EQTN: variants seen among roughly 807,000 people sequenced by gnomAD.
EQTN encodes the protein equatorin.
Under a neutral mutation model 26.9 loss-of-function variants are expected in EQTN, and 29 were observed. That is an observed-to-expected ratio of 1.08 (90% CI 0.80 to 1.47). The LOEUF is 1.47. EQTN is among the 40% of genes most tolerant of loss of function. The pLI, the probability that EQTN is intolerant of heterozygous loss-of-function variation, is 0.00. For synonymous variants in EQTN, 129 were observed against 120.0 expected (o/e 1.07, Z -0.49); for missense variants, 391 against 346.1 (o/e 1.13, Z -1.03).
chr9:27,295,734 A>C (rs974711282), intron 2 of EQTN, among the ~76,000 whole-genome samples: 2 of 143,076 alleles, frequency 1.4e-5, no homozygotes, highest in Admixed American at 7.4e-5. Flanking sequence ...CAGGAGGCTG[A>C]GGCAGGAGAA....
chr9:27,293,451 C>A (rs1293397129), intron 3 of EQTN, among the ~76,000 whole-genome samples: 7 of 152,174 alleles, frequency 4.6e-5, no homozygotes, highest in Non-Finnish European at 1.0e-4. Context: ...GGGCTTGCTC[C>A]TCTAGAACGT....
intron 6 of EQTN, 26 bp from the exon 7 acceptor site, chr9:27,286,388 A>C: frequency 6.4e-7 from 1 of 1,563,754 alleles, no homozygotes; most frequent in African/African-American, 1.4e-5. Context: ...ATGCAGTGGA[A>C]AATAGGGTGT....
In EQTN at chr9:27,286,494, C is replaced by T. The variant is rs112098978; in HGVS notation, c.482-132G>A. ...GTATTAACTGGCCGGTCTCCCATCC[C>T]GCAGGCAATGCAAAGGAGAAAGCTA... On this transcript the variant is annotated intron_variant, in intron 6 of 7. Coordinates refer to ENST00000380032, the MANE Select transcript of EQTN (RefSeq NM_020641.3). 669 of 836,424 alleles carry T rather than the reference C, an allele frequency of 8.0e-4. 5 individuals are homozygous for T. The African/African-American group carries it at 0.01, about 13-fold the overall frequency. The allele number at this position is 836,424 out of a possible 1,614,324, so 51.8% of individuals were successfully genotyped here.
chr9:27,293,545 C>A (rs1011927321), intron 3 of EQTN, among the ~76,000 whole-genome samples: 1 of 152,118 alleles, frequency 6.6e-6, no homozygotes, highest in African/African-American at 2.4e-5. Flanking sequence ...CTTTCCCTGA[C>A]AATCCTCTGG....
chr9:27,291,080 A>C lies in EQTN; in HGVS notation c.377-17T>G. 1.3e-6 allele frequency: 2 copies of C among 1,598,654 alleles called. No individual in the cohort carries two copies. Among genetic ancestry groups the C allele is most frequent in the Non-Finnish European group, 1.7e-6 (2 of 1,172,954 alleles). ...GGGTTGATCCTGTTAAAACAAAACA[A>C]AACACAACAAGAACAACAAGAAAAC... is the stretch of plus-strand genomic sequence containing the variant. On this transcript the variant is annotated splice_polypyrimidine_tract_variant and intron_variant, in intron 4 of 7. Coordinates refer to ENST00000380032, the MANE Select transcript of EQTN (RefSeq NM_020641.3).
chr9:27,287,228 G>A (rs969984943), intron 6 of EQTN, among the ~76,000 whole-genome samples: 1 of 152,150 alleles, frequency 6.6e-6, no homozygotes, highest in African/African-American at 2.4e-5. Flanking sequence ...GCAATGACAA[G>A]CTTCCATGTC....
chr9:27,292,206 T>C (rs75491099), intron 4 of EQTN, 195 bp downstream of exon 4: 2 of 352,010 alleles, frequency 5.7e-6, no homozygotes, highest in Non-Finnish European at 1.0e-5. Flanking sequence ...TCATTTCTCA[T>C]CCTTTGTCAG....
At chr9:27,287,143 C>T (rs553405078) in intron 6 of EQTN, among the ~76,000 whole-genome samples, 65 of 152,236 alleles carry the variant, frequency 4.3e-4, no homozygotes, top group Middle Eastern at 3.4e-3. Flanking sequence ...TTACCCCAGC[C>T]AACCCCCAGC....
At chr9:27,288,586 T>C (rs1820166373) in intron 6 of EQTN, among the ~76,000 whole-genome samples, 1 of 152,194 alleles carries the variant, frequency 6.6e-6, no homozygotes, top group African/African-American at 2.4e-5. Flanking sequence ...AATAGCTTTT[T>C]TCATAATTGC....
In EQTN at chr9:27,286,256, G is replaced by T. The variant is rs1234610265; in HGVS notation, c.588C>A (p.Val196=). ...ISLMTLLLFV[V]LLAFCSATLY... is the part of the protein sequence containing the mutation. Reference sequence around the variant, plus strand: ...GTGTAGCACTACAGAATGCCAAGAGGACCACAAAGAGGAGGAGGGTCATCA... The same window carrying T: ...GTGTAGCACTACAGAATGCCAAGAGTACCACAAAGAGGAGGAGGGTCATCA... The change falls in exon 7 of 8, where the codon GTC becomes GTA. Residue 196 remains valine (V), a synonymous_variant. Coordinates refer to ENST00000380032, the MANE Select transcript of EQTN (RefSeq NM_020641.3). 3 of 1,613,800 alleles carry T rather than the reference G, an allele frequency of 1.9e-6. No individual in the cohort carries two copies. Among genetic ancestry groups the T allele is most frequent in the African/African-American group, 1.3e-5 (1 of 74,914 alleles).
intron 5 of EQTN, among the ~76,000 whole-genome samples, chr9:27,290,433 G>C (rs1331637428): frequency 6.6e-6 from 1 of 152,178 alleles, no homozygotes; most frequent in African/African-American, 2.4e-5. Context: ...AAATATTAAT[G>C]AGTAGGTGAT....
chr9:27,285,740 G>T (rs1159407831), intron 7 of EQTN, among the ~76,000 whole-genome samples: 1 of 152,148 alleles, frequency 6.6e-6, no homozygotes, highest in African/African-American at 2.4e-5. Context: ...TACACTGCCT[G>T]AAAAATGTTA....
At chr9:27,294,707 C>T (rs1244746735) in intron 2 of EQTN, among the ~76,000 whole-genome samples, 1 of 152,052 alleles carries the variant, frequency 6.6e-6, no homozygotes, top group Non-Finnish European at 1.5e-5. Context: ...TGTAGATGTG[C>T]AACATTATCA....
chr9:27,292,926 A>G (rs545834297), intron 3 of EQTN, among the ~76,000 whole-genome samples: 29 of 152,316 alleles, frequency 1.9e-4, no homozygotes, highest in Non-Finnish European at 3.2e-4. Flanking sequence ...TTGGAAACAG[A>G]CATTTGGATA....
intron 7 of EQTN, 103 bp downstream of exon 7, chr9:27,286,106 T>C: frequency 8.7e-7 from 1 of 1,145,252 alleles, no homozygotes; most frequent in Non-Finnish European, 1.2e-6. Flanking sequence ...GTCGTATGGA[T>C]GAATTCAGAG....
At chr9:27,286,458 C>T in intron 6 of EQTN, 96 bp from the exon 7 acceptor site, 1 of 1,239,832 alleles carries the variant, frequency 8.1e-7, no homozygotes. Flanking sequence ...GCAAGCCCTC[C>T]ACCATCCAGA....
chr9:27,286,441 C>T, intron 6 of EQTN, 79 bp from the exon 7 acceptor site: 1 of 1,405,950 alleles, frequency 7.1e-7, no homozygotes, highest in Non-Finnish European at 9.7e-7. Context: ...AAAGCAAATA[C>T]AGAGAAGCAA....
At chr9:27,294,936 TC>T (rs148133233) in intron 2 of EQTN, among the ~76,000 whole-genome samples, 18 of 151,870 alleles carry the variant, frequency 1.2e-4, no homozygotes, top group Non-Finnish European at 2.4e-4. Flanking sequence ...ATGTATATAT[TC>T]CCCCCGCCAA....
intron 7 of EQTN, 27 bp from the exon 8 acceptor site, chr9:27,284,999 G>T (rs1288077993): frequency 1.9e-6 from 3 of 1,588,220 alleles, no homozygotes; most frequent in South Asian, 2.3e-5. Flanking sequence ...CATATATCAA[G>T]AATTGTTTTT....
Sources: allele counts gnomAD v4.1 joint callset (sites outside exome capture counted in the v4.1 genomes callset), GRCh38; gene constraint gnomAD v4.1.1; transcripts MANE v1.5; gene names NCBI Gene and HGNC (gene_info 2026-07-23, HGNC 2026-07-21).